Variants in GLI3 observed in about 807,000 individuals in gnomAD.
GLI3 encodes transcription activator GLI3.
A neutral mutation model predicts 100.8 loss-of-function variants in GLI3; 20 were observed. That is an observed-to-expected ratio of 0.20 (90% CI 0.14 to 0.29). The LOEUF (loss-of-function observed/expected upper bound fraction) is 0.29, where lower values mean the gene tolerates loss of function less well. Ranked by LOEUF, GLI3 falls within the 10% of genes least tolerant of loss-of-function variation. GLI3 has a pLI of 1.00. For synonymous variants in GLI3, 938 were observed against 860.5 expected (o/e 1.09, Z -1.58); for missense variants, 2,040 against 2,128.5 (o/e 0.96, Z 0.82).
intron 2 of GLI3, among the ~76,000 whole-genome samples, chr7:42,164,056 T>A (rs1338277172): frequency 6.6e-6 from 1 of 152,320 alleles, no homozygotes; most frequent in East Asian, 1.9e-4. Context: ...GACTTGAAAT[T>A]CATTGCTAGA....
At chr7:42,021,941 T>C (rs1175489719) in intron 10 of GLI3, among the ~76,000 whole-genome samples, 1 of 152,236 alleles carries the variant, frequency 6.6e-6, no homozygotes, top group African/African-American at 2.4e-5. Flanking sequence ...CCTTTGATAT[T>C]CCAATGTTTT....
chr7:41,983,464 G>A (rs756452802), intron 10 of GLI3, among the ~76,000 whole-genome samples: 4 of 152,144 alleles, frequency 2.6e-5, no homozygotes, highest in South Asian at 2.1e-4. Context: ...CTTAACATTC[G>A]ATGGACGAAT....
intron 5 of GLI3, among the ~76,000 whole-genome samples, chr7:42,046,187 T>G (rs1228766339): frequency 6.6e-6 from 1 of 152,232 alleles, no homozygotes; most frequent in Non-Finnish European, 1.5e-5. Flanking sequence ...ATAGTCGGTT[T>G]CCACCTGCCA....
At position 42,150,716 on chromosome 7, in the gene GLI3, T is replaced by C. The variant is rs35380712; in HGVS notation, c.125-2248A>G. ...TTAAAACAGGATTTCCTTGACTTAA[T>C]TGTCCTAGAATAAATTAACTTTTCT... is the stretch of plus-strand genomic sequence containing the variant. On this transcript the variant is annotated intron_variant, in intron 2 of 14. Transcript: ENST00000395925. Among the ~76,000 whole-genome samples the C allele has an allele frequency of 1.0e-2, 1,519 of 152,302 alleles. 14 individuals carry two copies. Among genetic ancestry groups the C allele is most frequent in the Non-Finnish European group, 0.015 (1,022 of 68,018 alleles).
chr7:41,989,894 A>C (rs899843766), intron 10 of GLI3, among the ~76,000 whole-genome samples: 2 of 148,392 alleles, frequency 1.3e-5, no homozygotes, highest in Admixed American at 6.8e-5. Context: ...AAAAATTAGC[A>C]CACGCCTGTA....
chr7:42,054,148 T>G (rs528777313), intron 4 of GLI3, among the ~76,000 whole-genome samples: 1 of 152,346 alleles, frequency 6.6e-6, no homozygotes, highest in African/African-American at 2.4e-5. Flanking sequence ...GAATATTTTT[T>G]ATATGGTCAT....
At chr7:42,211,874 A>G (rs1426370694) in intron 2 of GLI3, among the ~76,000 whole-genome samples, 1 of 152,246 alleles carries the variant, frequency 6.6e-6, no homozygotes. Flanking sequence ...ATAAGCAAGC[A>G]TGAAGCAAGA....
At chr7:42,002,029 T>C (rs1417609688) in intron 10 of GLI3, among the ~76,000 whole-genome samples, 1 of 151,676 alleles carries the variant, frequency 6.6e-6, no homozygotes, top group Non-Finnish European at 1.5e-5. Flanking sequence ...AAATTGACCA[T>C]GGTAAAAATA....
rs71006459 is a variant in GLI3 at position 42,164,829 on chromosome 7, C to CAAAT, written c.125-16365_125-16362dup. On this transcript the variant is annotated intron_variant, in intron 2 of 14. Transcript: ENST00000395925. ...TGGGCAACAGAGCGAGACTATGTGT[C>CAAAT]AAATAAATAAATAAATAAATAAAAA... Among the ~76,000 whole-genome samples, 608 of 148,212 alleles carry CAAAT rather than the reference C, an allele frequency of 4.1e-3. 5 individuals carry two copies. The highest frequency in any genetic ancestry group is 0.014 in the African/African-American group (549 of 40,426).
At chr7:42,223,021 G>A (rs996041421) in intron 2 of GLI3, 109 bp downstream of exon 2, 50 of 1,327,622 alleles carry the variant, frequency 3.8e-5, no homozygotes, top group African/African-American at 5.8e-5. Context: ...TTTCTTTAGC[G>A]TCTCCTAGAA....
intron 5 of GLI3, among the ~76,000 whole-genome samples, chr7:42,047,485 G>A (rs1191887334): frequency 6.6e-6 from 1 of 152,188 alleles, no homozygotes; most frequent in East Asian, 1.9e-4. Context: ...GCGATCTCTT[G>A]CAAAGAATTC....
At position 41,961,903 on chromosome 7, in the gene GLI3, G is replaced by T. The variant is rs1376234263; in HGVS notation, c.*2427C>A. On this transcript the variant is annotated 3_prime_UTR_variant, in exon 15 of 15. Coordinates refer to ENST00000395925, the MANE Select transcript of GLI3 (RefSeq NM_000168.6). ...TCCTTCTGAAATTTCCATATTGAGAGAAGCCAAACATTGAGCTGAAACTTG... is the reference window on the plus strand; with the variant it reads ...TCCTTCTGAAATTTCCATATTGAGATAAGCCAAACATTGAGCTGAAACTTG... 1 of 151,864 alleles carries T rather than the reference G, an allele frequency of 6.6e-6. No individual in the cohort carries two copies. Among genetic ancestry groups the T allele is most frequent in the African/African-American group, 2.4e-5 (1 of 41,310 alleles). The allele number at this position is 151,864 out of a possible 1,614,324, so 9.4% of individuals were successfully genotyped here.
In GLI3 at chr7:42,160,987, T is replaced by A. The variant is rs191187273; in HGVS notation, c.125-12519A>T. ...TCAACATTTACTAGACAAGTATGCT[T>A]AGTTCTTCAAATATCTGTTGAAAAC... is the stretch of plus-strand genomic sequence containing the variant. On this transcript the variant is annotated intron_variant, in intron 2 of 14. Coordinates refer to ENST00000395925, the MANE Select transcript of GLI3 (RefSeq NM_000168.6). Among the ~76,000 whole-genome samples, 42 of 152,358 alleles carry A rather than the reference T, an allele frequency of 2.8e-4. 1 individual carries two copies. The East Asian group carries it at 5.6e-3, about 20-fold the overall frequency.
chr7:42,206,642 A>C (rs1438348035), intron 2 of GLI3, among the ~76,000 whole-genome samples: 1 of 152,238 alleles, frequency 6.6e-6, no homozygotes, highest in Non-Finnish European at 1.5e-5. Context: ...AGAAGCCAAG[A>C]GCCATTTGAA....
In GLI3 at chr7:42,071,215, T is replaced by C. The variant is rs897789578; in HGVS notation, c.473+5537A>G. On this transcript the variant is annotated intron_variant, in intron 4 of 14. Coordinates refer to ENST00000395925, the MANE Select transcript of GLI3 (RefSeq NM_000168.6). ...TTAGTTCATGTTTTCTTTTTCTTTT[T>C]TGGGGGGGCGGTGGGGAGTGTTTTA... 1.4e-4 allele frequency among the ~76,000 whole-genome samples: 22 copies of C among 152,200 alleles called. 3 individuals carry two copies. In the South Asian group the frequency reaches 4.6e-3, roughly 32 times the overall value.
intron 3 of GLI3, among the ~76,000 whole-genome samples, chr7:42,118,011 G>A (rs1483955028): frequency 6.6e-6 from 1 of 152,158 alleles, no homozygotes; most frequent in Admixed American, 6.5e-5. Context: ...TATACTTGAT[G>A]GGCCAAAGCT....
At chr7:42,213,060 C>T (rs1326452478) in intron 2 of GLI3, among the ~76,000 whole-genome samples, 2 of 152,234 alleles carry the variant, frequency 1.3e-5, no homozygotes, top group African/African-American at 4.8e-5. Flanking sequence ...AACATACCTA[C>T]CTGGGGCTGG....
chr7:42,121,018 C>G (rs1785985134), intron 3 of GLI3, among the ~76,000 whole-genome samples: 1 of 152,208 alleles, frequency 6.6e-6, no homozygotes, highest in African/African-American at 2.4e-5. Context: ...ATTATGTTCA[C>G]TGGCTCCTGC....
chr7:41,995,217 C>T (rs896562835), intron 10 of GLI3, among the ~76,000 whole-genome samples: 18 of 152,102 alleles, frequency 1.2e-4, no homozygotes, highest in Non-Finnish European at 1.0e-4. Context: ...AAGATGTGTC[C>T]CCTGGTCCCA....
Sources: allele counts gnomAD v4.1 joint callset (sites outside exome capture counted in the v4.1 genomes callset), GRCh38; gene constraint gnomAD v4.1.1; transcripts MANE v1.5; gene names NCBI Gene and HGNC (gene_info 2026-07-23, HGNC 2026-07-21).